The following SLC11A1 variants were observed in gnomAD, a reference collection of about 807,000 sequenced individuals.
SLC11A1 encodes the protein solute carrier family 11 member 1, also known as natural resistance-associated macrophage protein 1.
SLC11A1 carries 59 observed loss-of-function variants against 63.2 expected under a neutral mutation model. The ratio of observed to expected loss-of-function variants is 0.93; its 90% CI spans 0.76 to 1.16. The LOEUF (loss-of-function observed/expected upper bound fraction) is 1.16, where lower values mean the gene tolerates loss of function less well. Ranked by LOEUF, SLC11A1 falls within the 50% of genes most tolerant of loss-of-function variation. The pLI, the probability that SLC11A1 is intolerant of heterozygous loss-of-function variation, is 0.00. For missense variants in SLC11A1, 688 were observed against 730.7 expected (o/e 0.94, Z 0.67); for synonymous variants, 305 against 307.8 (o/e 0.99, Z 0.09).
chr2:218,387,114 A>G (rs752674932), intron 5 of SLC11A1, 46 bp from the exon 6 acceptor site: 25 of 1,562,268 alleles, frequency 1.6e-5, no homozygotes, highest in Non-Finnish European at 2.2e-5. Flanking sequence ...TAGGAGTTAG[A>G]GACCCCTGGA....
Position 218,391,499 on chromosome 2 carries a change from G to C in SLC11A1, c.1164+4G>C. 1 of 1,580,930 alleles carries C rather than the reference G, an allele frequency of 6.3e-7. No individual in the cohort carries two copies. Among genetic ancestry groups the C allele is most frequent in the Non-Finnish European group, 8.6e-7 (1 of 1,163,632 alleles). ...CGCGGGACAGTTCGTGATGGAGGTA[G>C]GGCAGGGGGCGGGCCCAGGAGGGCA... On this transcript the variant is annotated splice_donor_region_variant and intron_variant, in intron 11 of 14. Transcript: ENST00000233202.
chr2:218,386,638 C>T lies in SLC11A1; in HGVS notation c.397C>T (p.Pro133Ser). The stretch of plus-strand genomic sequence containing the variant: ...AAGGATCATCTCCTCCCCATAGGTG[C>T]CCCGCACCGTCCTCTGGCTGACCAT... ...EVCHLYYPKV[P>S]RTVLWLTIEL... The change falls in exon 5 of 15, where the codon CCC becomes TCC. Residue 133 changes from proline (P) to serine (S), a missense_variant. Transcript: ENST00000233202. 6.2e-7 allele frequency: 1 copy of T among 1,612,028 alleles called. No individual in the cohort carries two copies. The highest frequency in any genetic ancestry group is 8.5e-7 in the Non-Finnish European group (1 of 1,178,768).
rs1162559913 is a variant in SLC11A1, at chr2:218,395,025, C to A, written c.1643C>A (p.Thr548Asn). Residue 548 changes from threonine (T) to asparagine (N), a missense_variant, in exon 15 of 15, where the codon ACC becomes AAC. Transcript: ENST00000233202. ...CTTGAAGAGGACCAGAAAGGGGAGA[C>A]CTCTGGCTAGGCCCACACCAGGGCC... ...GLLEEDQKGETSG is the reference protein window; with the variant it reads ...GLLEEDQKGENSG The A allele has an allele frequency of 4.4e-6, 7 of 1,603,492 alleles. No homozygotes were observed. The East Asian group carries it at 1.6e-4, about 36-fold the overall frequency.
Position 218,387,224 on chromosome 2 carries a change from A to G in SLC11A1, c.565A>G (p.Asn189Asp). Reference sequence around the variant, plus strand: ...CACCTTCTTCTTCCTCTTCCTCGATAACTACGGTGGGTGCACACCCCACCT... The same window carrying G: ...CACCTTCTTCTTCCTCTTCCTCGATGACTACGGTGGGTGCACACCCCACCT... ...VDTFFFLFLD[N>D]YGLRKLEAFF... is the part of the protein sequence containing the mutation. The change falls in exon 6 of 15, where the codon AAC becomes GAC. Residue 189 changes from asparagine to aspartate, a missense_variant. By Grantham distance (23) the Asn-to-Asp change is conservative. Transcript: ENST00000233202. 1 of 1,613,260 alleles carries G rather than the reference A, an allele frequency of 6.2e-7. No homozygotes were observed. The highest frequency in any genetic ancestry group is 8.5e-7 in the Non-Finnish European group (1 of 1,179,516).
chr2:218,387,697 G>A, intron 7 of SLC11A1, 65 bp downstream of exon 7: 1 of 1,611,978 alleles, frequency 6.2e-7, no homozygotes, highest in South Asian at 1.1e-5. Context: ...CTTCCCTCTG[G>A]CCGCGGGCTG....
At position 218,391,227 on chromosome 2, in the gene SLC11A1, C is replaced by A. The variant is rs377625960; in HGVS notation, c.984C>A (p.His328Gln). ...ACATCTGTGCCAACAGCAGCCTCCACGACTACGCCAAGATCTTCCCCATGA... is the reference window on the plus strand; with the variant it reads ...ACATCTGTGCCAACAGCAGCCTCCAAGACTACGCCAAGATCTTCCCCATGA... ...AFNICANSSL[H>Q]DYAKIFPMNN... is the part of the protein sequence containing the mutation. The change falls in exon 10 of 15, where the codon CAC (histidine) becomes CAA (glutamine). Residue 328 changes from histidine (H) to glutamine (Q), a missense_variant. Coordinates refer to ENST00000233202, the MANE Select transcript of SLC11A1 (RefSeq NM_000578.4). The A allele has an allele frequency of 6.1e-5, 98 of 1,613,792 alleles. No homozygotes were observed. The highest frequency in any genetic ancestry group is 8.1e-5 in the Non-Finnish European group (95 of 1,180,002).
chr2:218,384,890 T>G lies in SLC11A1; in HGVS notation c.274-257T>G. On this transcript the variant is annotated intron_variant, in intron 3 of 14. Transcript: ENST00000233202. The surrounding 1 kb of genome is among the most constrained non-coding windows in gnomAD (Gnocchi z 4.0). ...GTGTGAGCCACCTTGCCTGGCGTAA[T>G]TTATTTATTTATTTAGAGATGGGGG... is the stretch of plus-strand genomic sequence containing the variant. The G allele has an allele frequency of 2.6e-6, 1 of 384,622 alleles. No individual in the cohort carries two copies. Among genetic ancestry groups the G allele is most frequent in the Non-Finnish European group, 4.9e-6 (1 of 203,986 alleles). 23.8% of individuals were successfully genotyped at this position (384,622 alleles called of 1,614,324 possible). A position where few individuals can be genotyped will look rare whatever the true frequency, so the allele number is the denominator to read the frequency against.
chr2:218,382,669 A>T (rs1470036333), intron 1 of SLC11A1, among the ~76,000 whole-genome samples: 2 of 152,174 alleles, frequency 1.3e-5, no homozygotes, highest in Non-Finnish European at 2.9e-5. Context: ...AGGGGCAGAC[A>T]TGTGGCCTCA....
chr2:218,387,084 T>C (rs1342121208), intron 5 of SLC11A1, 76 bp from the exon 6 acceptor site: 3 of 1,367,630 alleles, frequency 2.2e-6, no homozygotes, highest in Non-Finnish European at 3.1e-6. Flanking sequence ...CAGATTCCTG[T>C]CTCCAGCCCT....
chr2:218,393,266 C>T, intron 12 of SLC11A1, 136 bp downstream of exon 12: 1 of 866,128 alleles, frequency 1.2e-6, no homozygotes, highest in East Asian at 3.3e-5. Context: ...TCCATTGTCC[C>T]CACAGCCACC....
rs1373199345 is a variant in SLC11A1 at position 218,383,086 on chromosome 2, T to C, written c.134T>C (p.Ile45Thr). ...RETYLSEKIP[I>T]PDTKPGTFSL... ...ACCTACCTGAGTGAGAAGATCCCCA[T>C]CCCAGACACAAAACCGGTGGGATGC... Residue 45 changes from isoleucine (I) to threonine (T), a missense_variant, in exon 2 of 15, where the codon ATC becomes ACC. By Grantham distance (89) the Ile-to-Thr change is moderately conservative. Transcript: ENST00000233202. 42 of 1,613,638 alleles carry C rather than the reference T, an allele frequency of 2.6e-5. No homozygotes were observed. Among genetic ancestry groups the C allele is most frequent in the Non-Finnish European group, 3.6e-5 (42 of 1,179,870 alleles).
At chr2:218,394,462 C>A in intron 13 of SLC11A1, 170 bp from the exon 14 acceptor site, 1 of 779,720 alleles carries the variant, frequency 1.3e-6, no homozygotes, top group Non-Finnish European at 2.0e-6. Context: ...GCCTGGAGGG[C>A]CCAGGAGGCA....
intron 6 of SLC11A1, 65 bp from the exon 7 acceptor site, chr2:218,387,500 T>A (rs1696167124): frequency 6.5e-7 from 1 of 1,538,596 alleles, no homozygotes; most frequent in African/African-American, 1.4e-5. Flanking sequence ...TATTAGCCAT[T>A]ACGAATTGTT....
intron 9 of SLC11A1, among the ~76,000 whole-genome samples, chr2:218,390,988 C>G (rs1283197316): frequency 6.6e-6 from 1 of 152,152 alleles, no homozygotes; most frequent in African/African-American, 2.4e-5. Flanking sequence ...TCAAGACCAA[C>G]CTGGGCAACA....
chr2:218,390,348 T>C (rs1277837689), intron 9 of SLC11A1, among the ~76,000 whole-genome samples: 1 of 148,504 alleles, frequency 6.7e-6, no homozygotes, highest in Non-Finnish European at 1.5e-5. Context: ...TGAAGAAGCA[T>C]AGTTGGGGGT....
rs1212721105 is a variant in SLC11A1 at position 218,384,426 on chromosome 2, T to G, written c.273+61T>G. On this transcript the variant is annotated intron_variant, in intron 3 of 14. Transcript: ENST00000233202. The surrounding 1 kb of genome is among the most constrained non-coding windows in gnomAD (Gnocchi z 4.0). ...AGAGGGAGGTGACCAGGCTAAGTGTTGAAGGCCCCTGCTGGCCATGTTTCT... is the reference window on the plus strand; with the variant it reads ...AGAGGGAGGTGACCAGGCTAAGTGTGGAAGGCCCCTGCTGGCCATGTTTCT... 2 of 1,542,186 alleles carry G rather than the reference T, an allele frequency of 1.3e-6. No individual in the cohort carries two copies. The highest frequency in any genetic ancestry group is 2.3e-5 in the East Asian group (1 of 43,194).
chr2:218,391,117 C>T, intron 9 of SLC11A1, 81 bp from the exon 10 acceptor site: 2 of 1,251,636 alleles, frequency 1.6e-6, no homozygotes, highest in East Asian at 2.3e-5. Flanking sequence ...GTTTTGGAAC[C>T]CTGGTCAGTG....
intron 4 of SLC11A1, among the ~76,000 whole-genome samples, chr2:218,386,162 G>C (rs959489273): frequency 6.6e-6 from 1 of 152,128 alleles, no homozygotes; most frequent in Non-Finnish European, 1.5e-5. Flanking sequence ...GGAGAAAATG[G>C]TTTATCTCAG....
chr2:218,393,162 A>G (rs764085237), intron 12 of SLC11A1, 32 bp downstream of exon 12: 2 of 1,506,776 alleles, frequency 1.3e-6, no homozygotes, highest in South Asian at 1.3e-5. Context: ...AGCCCTGCCC[A>G]CTGCTGAGCG....
Sources: allele counts gnomAD v4.1 joint callset (sites outside exome capture counted in the v4.1 genomes callset), GRCh38; gene constraint gnomAD v4.1.1; non-coding constraint Gnocchi (gnomAD v3.1); transcripts MANE v1.5; gene names NCBI Gene and HGNC (gene_info 2026-07-23, HGNC 2026-07-21).